The following CRHR1 variants were observed in gnomAD, a reference collection of about 807,000 sequenced individuals.
CRHR1 encodes the protein corticotropin-releasing hormone receptor 1.
In CRHR1, 28 loss-of-function variants were observed where a neutral mutation model predicts 56.0. That is an observed-to-expected ratio of 0.50 (90% CI 0.37 to 0.69). CRHR1 has a LOEUF of 0.69. Among genes scored for constraint, CRHR1 ranks in the 30% least tolerant of loss-of-function variants. The probability of loss-of-function intolerance (pLI) is 0.00; values close to 1 mark genes in which losing one functional copy is unlikely to be tolerated. For missense variants in CRHR1, 376 were observed against 548.0 expected (o/e 0.69, Z 3.13); for synonymous variants, 195 against 216.5 (o/e 0.90, Z 0.87).
At chr17:45,816,328 A>C in intron 2 of CRHR1, 135 bp from the exon 3 acceptor site, 1 of 1,206,910 alleles carries the variant, frequency 8.3e-7, no homozygotes, top group Non-Finnish European at 1.1e-6. Context: ...TGCACTGGTC[A>C]TTGTTGTCAT....
chr17:45,819,838 C>A (rs567522554), intron 3 of CRHR1, among the ~76,000 whole-genome samples: 3 of 152,172 alleles, frequency 2.0e-5, no homozygotes, highest in African/African-American at 7.2e-5. Context: ...GGGAGTAGTG[C>A]GAGAGAGGAG....
At chr17:45,819,083 C>T (rs896866873) in intron 3 of CRHR1, among the ~76,000 whole-genome samples, 1 of 152,152 alleles carries the variant, frequency 6.6e-6, no homozygotes, top group South Asian at 2.1e-4. Flanking sequence ...AGCAAAGGGG[C>T]TCCTCCCACA....
At chr17:45,799,773 TC>T (rs1364323790) in intron 1 of CRHR1, 3 of 152,092 alleles carry the variant, frequency 2.0e-5, no homozygotes, top group Non-Finnish European at 4.4e-5. Flanking sequence ...CTGAACCGCC[TC>T]CGTGGAACAG....
At chr17:45,833,971 G>A (rs2062379660) in intron 11 of CRHR1, 36 bp from the exon 12 acceptor site, 2 of 1,613,674 alleles carry the variant, frequency 1.2e-6, no homozygotes, top group Admixed American at 1.7e-5. Context: ...GGCAACACCT[G>A]CAGCCGACCT....
At chr17:45,821,573 G>A (rs1246652807) in intron 4 of CRHR1, 133 bp downstream of exon 4, 1 of 852,514 alleles carries the variant, frequency 1.2e-6, no homozygotes, top group South Asian at 1.5e-5. Context: ...GCTGACTGGG[G>A]AGCTGGAGCT....
At chr17:45,785,680 C>T (rs2061323612) in intron 1 of CRHR1, among the ~76,000 whole-genome samples, 1 of 152,190 alleles carries the variant, frequency 6.6e-6, no homozygotes, top group Non-Finnish European at 1.5e-5. Context: ...TTCATTTTTC[C>T]ATCAGTTATT....
intron 4 of CRHR1, among the ~76,000 whole-genome samples, chr17:45,823,403 C>A (rs113208170): frequency 9.9e-6 from 1 of 100,602 alleles, no homozygotes; most frequent in East Asian, 2.5e-4. Context: ...GGGACATTCC[C>A]TTTTTTTTTT....
intron 1 of CRHR1, among the ~76,000 whole-genome samples, chr17:45,789,850 G>C (rs567083501): frequency 6.6e-6 from 1 of 152,212 alleles, no homozygotes; most frequent in Non-Finnish European, 1.5e-5. Flanking sequence ...CTCTTCATCT[G>C]TCTAAAGCGG....
chr17:45,829,599 C>A (rs2062247176), intron 5 of CRHR1: 1 of 1,550,926 alleles, frequency 6.4e-7, no homozygotes, highest in Admixed American at 2.0e-5. Context: ...GCAGATGGAG[C>A]CCTGGAGGTG....
intron 2 of CRHR1, among the ~76,000 whole-genome samples, chr17:45,807,519 G>A (rs767959293): frequency 2.6e-5 from 4 of 152,208 alleles, no homozygotes; most frequent in South Asian, 2.1e-4. Flanking sequence ...GTGCTAACCC[G>A]TGCCAGGCAC....
At chr17:45,797,440 G>C (rs748969085) in intron 1 of CRHR1, among the ~76,000 whole-genome samples, 1 of 151,868 alleles carries the variant, frequency 6.6e-6, no homozygotes, top group Non-Finnish European at 1.5e-5. Flanking sequence ...ACAGGCGCCC[G>C]CCACCACGCC....
At chr17:45,789,218 C>T (rs904513874) in intron 1 of CRHR1, among the ~76,000 whole-genome samples, 7 of 152,194 alleles carry the variant, frequency 4.6e-5, no homozygotes, top group Admixed American at 1.3e-4. Context: ...TAACTGCTCA[C>T]GGTATCAACC....
intron 4 of CRHR1, chr17:45,826,077 A>C (rs1323869398): frequency 6.6e-6 from 1 of 152,446 alleles, no homozygotes; most frequent in Non-Finnish European, 1.5e-5. Flanking sequence ...TGCTGGTCTT[A>C]GGTCTCCAGA....
At chr17:45,817,874 G>A (rs2061960677) in intron 3 of CRHR1, among the ~76,000 whole-genome samples, 2 of 152,216 alleles carry the variant, frequency 1.3e-5, no homozygotes, top group South Asian at 4.1e-4. Context: ...TCAGTCCAAG[G>A]GGTGCACAGT....
rs139271843 is a variant in CRHR1, at chr17:45,797,754, C to A, written c.34-9256C>A. On this transcript the variant is annotated intron_variant, in intron 1 of 12. Coordinates refer to ENST00000314537, the MANE Select transcript of CRHR1 (RefSeq NM_004382.5). ...AGATAAAAGATTCCAACAAGCATCT[C>A]TCCAGCCCCAAGTTTAGAGATTTGA... 5.0e-3 allele frequency among the ~76,000 whole-genome samples: 765 copies of A among 152,126 alleles called. 8 individuals carry two copies. Among genetic ancestry groups the A allele is most frequent in the African/African-American group, 0.017 (717 of 41,488 alleles).
chr17:45,789,620 C>T (rs2061392946), intron 1 of CRHR1, among the ~76,000 whole-genome samples: 3 of 152,228 alleles, frequency 2.0e-5, no homozygotes, highest in Admixed American at 2.0e-4. Flanking sequence ...TCAAGCGATC[C>T]TCCCACCTCA....
intron 1 of CRHR1, among the ~76,000 whole-genome samples, chr17:45,796,321 T>C (rs894364248): frequency 1.3e-5 from 2 of 151,946 alleles, no homozygotes; most frequent in Admixed American, 1.3e-4. Flanking sequence ...TCCCCTCTTC[T>C]GTGAGAGCCA....
At chr17:45,808,184 A>G (rs930748994) in intron 2 of CRHR1, among the ~76,000 whole-genome samples, 36 of 152,236 alleles carry the variant, frequency 2.4e-4, no homozygotes, top group African/African-American at 8.2e-4. Context: ...CCACAAATGC[A>G]TGTGCGATGA....
intron 4 of CRHR1, among the ~76,000 whole-genome samples, chr17:45,822,706 C>T (rs1485414460): frequency 3.3e-5 from 5 of 152,032 alleles, no homozygotes; most frequent in Admixed American, 2.0e-4. Flanking sequence ...CAAAATTAGC[C>T]GGGTGTGGCG....
Sources: gnomAD v4.1 joint callset for allele counts (sites outside exome capture counted in the v4.1 genomes callset) on GRCh38, gnomAD v4.1.1 for gene constraint, MANE v1.5 for transcripts, NCBI Gene and HGNC (gene_info 2026-07-23, HGNC 2026-07-21) for gene names.